Variants in PABPC4L observed in about 807,000 individuals in gnomAD.
PABPC4L encodes the protein poly(A) binding protein cytoplasmic 4 like, also known as polyadenylate-binding protein 4-like.
For missense variants in PABPC4L, 452 were observed against 451.4 expected, an observed-to-expected ratio of 1.00 and a Z score of -0.01; for synonymous variants, 169 against 164.1, an observed-to-expected ratio of 1.03 and a Z score of -0.23.
At chr4:133,958,382 C>A in the PABPC4L span, among the ~76,000 whole-genome samples, 1 of 152,208 alleles carries the variant, frequency 6.6e-6, no homozygotes, top group Non-Finnish European at 1.5e-5. Flanking sequence ...AGCCACCCAA[C>A]AAGTCTCTAG....
At chr4:133,959,766 T>C in the PABPC4L span, among the ~76,000 whole-genome samples, 1 of 152,208 alleles carries the variant, frequency 6.6e-6, no homozygotes, top group Non-Finnish European at 1.5e-5. Context: ...TAAAAGCTTA[T>C]TTCCCAGGCC....
At chr4:134,153,810 G>GTTTT in the PABPC4L span, among the ~76,000 whole-genome samples, 21 of 77,602 alleles carry the variant, frequency 2.7e-4, no homozygotes, top group East Asian at 4.7e-4. Flanking sequence ...CCTATGCCTA[G>GTTTT]TTTTTTTTTT....
the PABPC4L span, among the ~76,000 whole-genome samples, chr4:134,130,994 C>A: frequency 9.9e-4 from 151 of 152,178 alleles, no homozygotes; most frequent in African/African-American, 3.4e-3. Context: ...TACATCATCC[C>A]TTTATGATTA....
At chr4:134,122,614 T>C in the PABPC4L span, among the ~76,000 whole-genome samples, 171 of 151,954 alleles carry the variant, frequency 1.1e-3, no homozygotes, top group Non-Finnish European at 2.2e-3. Context: ...TCTAGTTCCA[T>C]CATCAGCAAA....
the PABPC4L span, among the ~76,000 whole-genome samples, chr4:134,005,375 T>C: frequency 1.3e-5 from 2 of 151,894 alleles, no homozygotes; most frequent in African/African-American, 2.4e-5. Context: ...CTTTTATTAG[T>C]ACAACAGAAA....
the PABPC4L span, among the ~76,000 whole-genome samples, chr4:134,159,510 G>C: frequency 1.3e-5 from 2 of 152,176 alleles, 1 homozygote; most frequent in South Asian, 4.2e-4. Flanking sequence ...AGTAAGCATG[G>C]GACTTTGCAT....
the PABPC4L span, among the ~76,000 whole-genome samples, chr4:133,986,683 T>C: frequency 6.6e-6 from 1 of 151,750 alleles, no homozygotes; most frequent in African/African-American, 2.4e-5. Context: ...CGGGACTGCC[T>C]ATTAGATGTG....
chr4:133,983,217 G>T, the PABPC4L span, among the ~76,000 whole-genome samples: 1 of 151,994 alleles, frequency 6.6e-6, no homozygotes, highest in Non-Finnish European at 1.5e-5. Context: ...CCTACTTGGT[G>T]TACTAATTGG....
chr4:134,093,570 TC>T, the PABPC4L span, among the ~76,000 whole-genome samples: 1 of 70,292 alleles, frequency 1.4e-5, no homozygotes, highest in Admixed American at 1.5e-4. Flanking sequence ...CTTTTCTTTC[TC>T]TTTTTTTTTT....
the PABPC4L span, among the ~76,000 whole-genome samples, chr4:134,015,172 C>T: frequency 2.2e-4 from 33 of 152,228 alleles, no homozygotes; most frequent in African/African-American, 5.3e-4. Context: ...TCCCGCAGTG[C>T]GCTTTAAAAA....
At chr4:134,169,139 G>A in the PABPC4L span, among the ~76,000 whole-genome samples, 4 of 152,178 alleles carry the variant, frequency 2.6e-5, no homozygotes, top group African/African-American at 9.6e-5. Context: ...ATGCAAGGAT[G>A]AGTCAACATA....
chr4:133,958,436 CT>C, the PABPC4L span, among the ~76,000 whole-genome samples: 1 of 152,182 alleles, frequency 6.6e-6, no homozygotes, highest in African/African-American at 2.4e-5. Flanking sequence ...TTTCTGACCC[CT>C]CCAAACTATT....
the PABPC4L span, among the ~76,000 whole-genome samples, chr4:133,956,337 G>A: frequency 2.0e-5 from 3 of 152,096 alleles, no homozygotes; most frequent in African/African-American, 4.8e-5. Flanking sequence ...GTAATAATAG[G>A]GAAGGAGATG....
At chr4:134,090,408 A>T in the PABPC4L span, among the ~76,000 whole-genome samples, 1 of 151,974 alleles carries the variant, frequency 6.6e-6, no homozygotes, top group Non-Finnish European at 1.5e-5. Context: ...CACACAGTTG[A>T]TATAAGGAAT....
At chr4:133,968,689 A>G in the PABPC4L span, among the ~76,000 whole-genome samples, 2 of 152,188 alleles carry the variant, frequency 1.3e-5, no homozygotes, top group Non-Finnish European at 1.5e-5. Context: ...TCCCTCTTAC[A>G]TAAGAAAAAA....
At chr4:134,069,985 A>AG in the PABPC4L span, among the ~76,000 whole-genome samples, 2 of 55,566 alleles carry the variant, frequency 3.6e-5, no homozygotes, top group Non-Finnish European at 6.2e-5. Context: ...TGTCCTTTGG[A>AG]GGGTTTTTTT....
At chr4:134,014,422 A>G in the PABPC4L span, among the ~76,000 whole-genome samples, 1 of 152,146 alleles carries the variant, frequency 6.6e-6, no homozygotes, top group Admixed American at 6.5e-5. Flanking sequence ...TTCCTCCAGA[A>G]CTGCCTCCCC....
the PABPC4L span, among the ~76,000 whole-genome samples, chr4:134,167,037 A>G: frequency 6.6e-6 from 1 of 152,082 alleles, no homozygotes. Context: ...GTCCCTTTTG[A>G]CCATTCCTAT....
chr4:134,060,461 A>T, the PABPC4L span, among the ~76,000 whole-genome samples: 1 of 151,020 alleles, frequency 6.6e-6, no homozygotes, highest in Admixed American at 6.6e-5. Context: ...GGAGAGGAAA[A>T]GAAAGAGTAA....
Sources: gnomAD v4.1 joint callset for allele counts (sites outside exome capture counted in the v4.1 genomes callset) on GRCh38, gnomAD v4.1.1 for gene constraint, MANE v1.5 for transcripts, NCBI Gene and HGNC (gene_info 2026-07-23, HGNC 2026-07-21) for gene names.